SOCS7: variants seen among roughly 807,000 people sequenced by gnomAD.
SOCS7 encodes the protein NAP-4.
In SOCS7, 18 loss-of-function variants were observed where a neutral mutation model predicts 58.9. The observed-to-expected ratio is 0.31, with a 90% CI of 0.21 to 0.45. SOCS7 has a LOEUF of 0.45. SOCS7 is among the 20% of genes least tolerant of loss of function. SOCS7 has a pLI of 1.00. For synonymous variants in SOCS7, 388 were observed against 364.3 expected (o/e 1.06, Z -0.74); for missense variants, 667 against 837.3 (o/e 0.80, Z 2.51).
At chr17:38,368,097 T>A in intron 6 of SOCS7, 47 bp downstream of exon 6, 1 of 1,515,736 alleles carries the variant, frequency 6.6e-7, no homozygotes. Flanking sequence ...TGATTTGCTC[T>A]ACCTTTGCTG....
rs2037557977 is a variant in SOCS7, at chr17:38,351,959, T to C, written c.-94T>C. Among the ~76,000 whole-genome samples, 1 of 150,768 alleles carries C rather than the reference T, an allele frequency of 6.6e-6. No individual in the cohort carries two copies. Among genetic ancestry groups the C allele is most frequent in the Non-Finnish European group, 1.5e-5 (1 of 67,616 alleles). On this transcript the variant is annotated 5_prime_UTR_variant, in exon 1 of 10. Coordinates refer to ENST00000612932, the MANE Select transcript of SOCS7 (RefSeq NM_014598.4). Reference sequence around the variant, plus strand: ...CCGCGGCGGCCGTTAGCGCTGTCGCTCCGGGGGCCGCGGCGGGCGGGGCTC... The same window carrying C: ...CCGCGGCGGCCGTTAGCGCTGTCGCCCCGGGGGCCGCGGCGGGCGGGGCTC...
At chr17:38,380,986 G>A (rs553289263) in intron 7 of SOCS7, among the ~76,000 whole-genome samples, 36 of 152,208 alleles carry the variant, frequency 2.4e-4, no homozygotes, top group Non-Finnish European at 5.0e-4. Flanking sequence ...GTTGATCAGT[G>A]CTGAAGCCAG....
chr17:38,399,128 T>C (rs186372531), intron 9 of SOCS7, among the ~76,000 whole-genome samples: 64 of 151,628 alleles, frequency 4.2e-4, no homozygotes, highest in Admixed American at 9.8e-4. Flanking sequence ...TATAGAGCTC[T>C]TTCTTGCCAG....
intron 6 of SOCS7, among the ~76,000 whole-genome samples, chr17:38,370,744 A>G (rs1012771984): frequency 6.7e-6 from 1 of 149,670 alleles, no homozygotes; most frequent in Non-Finnish European, 1.5e-5. Flanking sequence ...TCTGCCTTCC[A>G]GGTTCGAGCT....
At position 38,382,813 on chromosome 17, in the gene SOCS7, G is replaced by T. The variant is rs112422696; in HGVS notation, c.1681+4971G>T. On this transcript the variant is annotated intron_variant, in intron 7 of 9. Transcript: ENST00000612932. ...AATTGGACAGCTCTTTAAGGAAATT[G>T]GTTACTTCCTCTTTTGTAACCCTTG... Among the ~76,000 whole-genome samples the T allele has an allele frequency of 7.5e-4, 114 of 152,224 alleles. 1 individual carries two copies. The highest frequency in any genetic ancestry group is 2.5e-3 in the African/African-American group (105 of 41,516).
intron 7 of SOCS7, among the ~76,000 whole-genome samples, chr17:38,378,290 C>T (rs1192028207): frequency 6.6e-6 from 1 of 152,090 alleles, no homozygotes; most frequent in African/African-American, 2.4e-5. Context: ...GTAATCCCAG[C>T]ACTTTGAGAG....
chr17:38,373,672 G>A (rs943689032), intron 6 of SOCS7, among the ~76,000 whole-genome samples: 1 of 152,312 alleles, frequency 6.6e-6, no homozygotes, highest in Non-Finnish European at 1.5e-5. Context: ...TTGCCAGTAA[G>A]GGATTGCCTT....
chr17:38,377,901 C>CA (rs2037952071), intron 7 of SOCS7, 59 bp downstream of exon 7: 2 of 1,513,002 alleles, frequency 1.3e-6, no homozygotes, highest in African/African-American at 2.8e-5. Context: ...AGTTTAGTGT[C>CA]AAAAAACACC....
Position 38,364,873 on chromosome 17 carries a change from T to A in SOCS7, c.1150+17T>A, listed in dbSNP as rs1555568073. Reference sequence around the variant, plus strand: ...GCCTCCTAGGTATAGTTTCTTCCCCTCTCCACCTTCTTGCCTAGTGGGAGG... The same window carrying A: ...GCCTCCTAGGTATAGTTTCTTCCCCACTCCACCTTCTTGCCTAGTGGGAGG... On this transcript the variant is annotated intron_variant, in intron 3 of 9. Transcript: ENST00000612932. The A allele has an allele frequency of 6.3e-7, 1 of 1,590,010 alleles. No individual in the cohort carries two copies. Among genetic ancestry groups the A allele is most frequent in the Admixed American group, 1.7e-5 (1 of 59,558 alleles).
chr17:38,390,323 A>C (rs1337725388), intron 7 of SOCS7, among the ~76,000 whole-genome samples: 1 of 151,974 alleles, frequency 6.6e-6, no homozygotes, highest in African/African-American at 2.4e-5. Context: ...ATAGTTTTGT[A>C]GTACTTTTTG....
Position 38,355,315 on chromosome 17 carries a change from G to C in SOCS7, c.980+2283G>C, listed in dbSNP as rs41492245. 3.0e-3 allele frequency among the ~76,000 whole-genome samples: 462 copies of C among 152,318 alleles called. 4 individuals are homozygous for C. Among genetic ancestry groups the C allele is most frequent in the African/African-American group, 0.011 (443 of 41,562 alleles). ...GTAGATTGTTGAGAAGAGAAATCTA[G>C]ATGGAATATTTTGTGCTTTTTAGAA... On this transcript the variant is annotated intron_variant, in intron 1 of 9. Transcript: ENST00000612932.
At chr17:38,388,025 G>T (rs1167237567) in intron 7 of SOCS7, among the ~76,000 whole-genome samples, 1 of 151,884 alleles carries the variant, frequency 6.6e-6, no homozygotes, top group Non-Finnish European at 1.5e-5. Flanking sequence ...AACTGCATTG[G>T]CCTCCCAAAG....
chr17:38,366,550 G>A, intron 5 of SOCS7, 133 bp downstream of exon 5: 1 of 1,101,466 alleles, frequency 9.1e-7, no homozygotes, highest in South Asian at 1.5e-5. Context: ...GCTAGGGTGT[G>A]GTGGCATAAT....
rs2038324412 is a variant in SOCS7 at position 38,401,934 on chromosome 17, G to C, written c.*2452G>C. On this transcript the variant is annotated 3_prime_UTR_variant, in exon 10 of 10. Transcript: ENST00000612932. ...CCCAAAGCCCAAAGGAGTCAGCAAG[G>C]CTCCTGCCCATTGCCAGGGCCTCAC... The C allele has an allele frequency of 6.6e-6, 1 of 152,254 alleles. No homozygotes were observed. The highest frequency in any genetic ancestry group is 1.5e-5 in the Non-Finnish European group (1 of 68,070). The allele number at this position is 152,254 out of a possible 1,614,324, so 9.4% of individuals were successfully genotyped here. A position where few individuals can be genotyped will look rare whatever the true frequency, so the allele number is the denominator to read the frequency against.
Position 38,352,873 on chromosome 17 carries a change from T to C in SOCS7, c.821T>C (p.Phe274Ser). The C allele has an allele frequency of 6.3e-7, 1 of 1,594,558 alleles. No individual in the cohort carries two copies. Among genetic ancestry groups the C allele is most frequent in the Non-Finnish European group, 8.5e-7 (1 of 1,171,348 alleles). The change falls in exon 1 of 10, where the codon TTC becomes TCC. Residue 274 changes from phenylalanine (F) to serine (S), a missense_variant. By Grantham distance (155) the Phe-to-Ser change is radical. Around this residue, in one of 9 missense-constraint regions of SOCS7, gnomAD observed 208 missense variants for 190.3 expected, o/e 1.09. Coordinates refer to ENST00000612932, the MANE Select transcript of SOCS7 (RefSeq NM_014598.4). The surrounding 1 kb of genome is among the most constrained non-coding windows in gnomAD (Gnocchi z 5.5). ...PLAGPSRKGS[F>S]KIRLSRLFRT... Reference sequence around the variant, plus strand: ...GCGGGTCCTTCTCGGAAGGGCTCCTTCAAAATCCGCCTCAGTCGCCTCTTT... The same window carrying C: ...GCGGGTCCTTCTCGGAAGGGCTCCTCCAAAATCCGCCTCAGTCGCCTCTTT...
At chr17:38,387,686 TTATA>T (rs1321023132) in intron 7 of SOCS7, among the ~76,000 whole-genome samples, 2 of 92,374 alleles carry the variant, frequency 2.2e-5, no homozygotes, top group Admixed American at 9.9e-5. Flanking sequence ...TTTTATATAT[TTATA>T]TATTTATATT....
chr17:38,404,920 T>C lies in SOCS7; in HGVS notation c.*5438T>C, dbSNP rs1042459085. Reference sequence around the variant, plus strand: ...CTGTGGCATAGCCACTGCTGTACGTTTTTGGTTGTTTTTAAGAAACTCGAT... The same window carrying C: ...CTGTGGCATAGCCACTGCTGTACGTCTTTGGTTGTTTTTAAGAAACTCGAT... On this transcript the variant is annotated 3_prime_UTR_variant, in exon 10 of 10. Transcript: ENST00000612932. 90 of 152,150 alleles carry C rather than the reference T, an allele frequency of 5.9e-4. No homozygotes were observed. Among genetic ancestry groups the C allele is most frequent in the African/African-American group, 2.1e-3 (89 of 41,510 alleles). The allele number at this position is 152,150 out of a possible 1,614,324, so 9.4% of individuals were successfully genotyped here.
intron 1 of SOCS7, among the ~76,000 whole-genome samples, chr17:38,361,189 A>G (rs886648230): frequency 1.3e-5 from 2 of 152,266 alleles, no homozygotes; most frequent in Non-Finnish European, 2.9e-5. Flanking sequence ...CCTTGGGGCA[A>G]TTGTGCAGAA....
chr17:38,377,327 C>G (rs998785644), intron 6 of SOCS7, among the ~76,000 whole-genome samples: 6 of 152,022 alleles, frequency 3.9e-5, no homozygotes, highest in African/African-American at 1.5e-4. Context: ...ACATGATGCT[C>G]AAAGGAAATG....
Sources: allele counts gnomAD v4.1 joint callset (sites outside exome capture counted in the v4.1 genomes callset), GRCh38; gene constraint gnomAD v4.1.1; regional missense constraint gnomAD v4.1.1; non-coding constraint Gnocchi (gnomAD v3.1); transcripts MANE v1.5; gene names NCBI Gene and HGNC (gene_info 2026-07-23, HGNC 2026-07-21).